Variants in ZSWIM5 observed in about 807,000 individuals in gnomAD.
ZSWIM5 encodes the protein zinc finger SWIM-type containing 5.
ZSWIM5 carries 55 observed loss-of-function variants against 119.6 expected under a neutral mutation model. That is an observed-to-expected ratio of 0.46 (90% CI 0.37 to 0.58). The LOEUF is 0.58. ZSWIM5 is among the 20% of genes least tolerant of loss of function. ZSWIM5 has a pLI of 0.00. For missense variants in ZSWIM5, 1,193 were observed against 1,512.8 expected, an observed-to-expected ratio of 0.79 and a Z score of 3.51; for synonymous variants, 537 against 606.9, an observed-to-expected ratio of 0.88 and a Z score of 1.69.
chr1:45,154,819 C>T (rs1328029828), intron 1 of ZSWIM5, among the ~76,000 whole-genome samples: 1 of 152,064 alleles, frequency 6.6e-6, no homozygotes, highest in Admixed American at 6.6e-5. Flanking sequence ...GAAGGGGAGG[C>T]TGCAGTGAAT....
chr1:45,166,348 C>T (rs1402141350), intron 1 of ZSWIM5, among the ~76,000 whole-genome samples: 1 of 151,896 alleles, frequency 6.6e-6, no homozygotes, highest in Non-Finnish European at 1.5e-5. Context: ...ATGACAAAAC[C>T]CACAACCAAT....
intron 5 of ZSWIM5, 123 bp from the exon 6 acceptor site, chr1:45,043,518 G>T: frequency 2.1e-6 from 2 of 951,188 alleles, no homozygotes; most frequent in Non-Finnish European, 3.2e-6. Flanking sequence ...TCTGGCAGCA[G>T]TATTGAGAAC....
chr1:45,070,358 C>G, intron 2 of ZSWIM5: 1 of 1,420,946 alleles, frequency 7.0e-7, no homozygotes, highest in Non-Finnish European at 9.9e-7. Context: ...GCATGGGCAG[C>G]CAGGGTGGCT....
rs1313937216 is a variant in ZSWIM5 at position 45,192,206 on chromosome 1, A to T, written c.595+13550T>A. 2.6e-5 allele frequency among the ~76,000 whole-genome samples: 4 copies of T among 152,328 alleles called. No homozygotes were observed. In the East Asian group the frequency reaches 5.8e-4, roughly 22 times the overall value. On this transcript the variant is annotated intron_variant, in intron 1 of 13. Coordinates refer to ENST00000359600, the MANE Select transcript of ZSWIM5 (RefSeq NM_020883.2). ...TTAAGCACATTCACTTGGTTGTACA[A>T]CCATCACTCCTACCTATCTCCAGAA...
In ZSWIM5 at chr1:45,039,194, A is replaced by G. The variant is rs1286836586; in HGVS notation, c.1757-121T>C. 4 of 1,251,800 alleles carry G rather than the reference A, an allele frequency of 3.2e-6. No individual in the cohort carries two copies. The South Asian group carries it at 4.2e-5, about 13-fold the overall frequency. 77.5% of individuals were successfully genotyped at this position (1,251,800 alleles called of 1,614,324 possible). On this transcript the variant is annotated intron_variant, in intron 7 of 13. Coordinates refer to ENST00000359600, the MANE Select transcript of ZSWIM5 (RefSeq NM_020883.2). ...CTGAGAGTCAAATAAAAGCTTCTCT[A>G]TTGTCTTGCCTTGGGTTGATACGGC...
At chr1:45,186,798 C>T (rs1646061892) in intron 1 of ZSWIM5, among the ~76,000 whole-genome samples, 1 of 152,036 alleles carries the variant, frequency 6.6e-6, no homozygotes, top group African/African-American at 2.4e-5. Context: ...GCCATGTTGG[C>T]CAGGCTGGTC....
intron 1 of ZSWIM5, among the ~76,000 whole-genome samples, chr1:45,162,742 C>T (rs1188102362): frequency 3.3e-5 from 5 of 152,298 alleles, no homozygotes; most frequent in East Asian, 3.9e-4. Context: ...ACTCTGAGAT[C>T]GAACTGCAAG....
chr1:45,125,976 G>A (rs1407871912), intron 1 of ZSWIM5, among the ~76,000 whole-genome samples: 1 of 151,980 alleles, frequency 6.6e-6, no homozygotes, highest in Non-Finnish European at 1.5e-5. Flanking sequence ...ACTGAGGTGG[G>A]AGGATTGCTT....
At chr1:45,167,774 G>GATACC in intron 1 of ZSWIM5, among the ~76,000 whole-genome samples, 1 of 152,224 alleles carries the variant, frequency 6.6e-6, no homozygotes, top group East Asian at 1.9e-4. Context: ...ACCACAATGA[G>GATACC]ATACCATCTC....
intron 1 of ZSWIM5, among the ~76,000 whole-genome samples, chr1:45,180,043 A>G (rs994090593): frequency 1.3e-5 from 2 of 152,140 alleles, no homozygotes; most frequent in African/African-American, 4.8e-5. Context: ...CATCTGAGGT[A>G]CCGGGTTCAT....
intron 1 of ZSWIM5, among the ~76,000 whole-genome samples, chr1:45,142,992 G>A (rs1409263951): frequency 1.4e-4 from 20 of 147,634 alleles, no homozygotes; most frequent in Non-Finnish European, 2.8e-4. Flanking sequence ...GCAACATGGT[G>A]AAACCCTGTC....
At chr1:45,125,630 C>T (rs1363221707) in intron 1 of ZSWIM5, among the ~76,000 whole-genome samples, 3 of 151,652 alleles carry the variant, frequency 2.0e-5, no homozygotes, top group South Asian at 2.1e-4. Flanking sequence ...AAAAATTAGC[C>T]GGGCATGGTG....
chr1:45,137,155 T>C (rs1645694989), intron 1 of ZSWIM5, among the ~76,000 whole-genome samples: 1 of 152,066 alleles, frequency 6.6e-6, no homozygotes, highest in African/African-American at 2.4e-5. Context: ...TCATAGCTCA[T>C]TGAGGCCAAG....
chr1:45,127,820 T>C (rs979827328), intron 1 of ZSWIM5, among the ~76,000 whole-genome samples: 1 of 152,174 alleles, frequency 6.6e-6, no homozygotes, highest in Non-Finnish European at 1.5e-5. Flanking sequence ...ACTGTATTTC[T>C]ATATACTAGT....
intron 8 of ZSWIM5, 35 bp downstream of exon 8, chr1:45,038,901 G>A: frequency 6.2e-7 from 1 of 1,610,722 alleles, no homozygotes; most frequent in Non-Finnish European, 8.5e-7. Flanking sequence ...AACCAACAAG[G>A]GCAGTCTTGG....
At chr1:45,134,177 A>T (rs1373418674) in intron 1 of ZSWIM5, among the ~76,000 whole-genome samples, 1 of 152,172 alleles carries the variant, frequency 6.6e-6, no homozygotes, top group African/African-American at 2.4e-5. Flanking sequence ...TGGTGATGGC[A>T]TTGAATCTAT....
intron 2 of ZSWIM5, among the ~76,000 whole-genome samples, chr1:45,067,752 T>C (rs145568547): frequency 1.3e-5 from 2 of 152,220 alleles, no homozygotes; most frequent in Non-Finnish European, 2.9e-5. Flanking sequence ...CTTTCTTTAG[T>C]TTAAAAATCA....
chr1:45,039,220 T>G (rs1380648195), intron 7 of ZSWIM5, 147 bp from the exon 8 acceptor site: 1 of 1,031,958 alleles, frequency 9.7e-7, no homozygotes, highest in Non-Finnish European at 1.4e-6. Context: ...TTGATACGGC[T>G]GGCCACAAAC....
chr1:45,091,694 C>A (rs1488082352), intron 1 of ZSWIM5, among the ~76,000 whole-genome samples: 1 of 151,846 alleles, frequency 6.6e-6, no homozygotes. Flanking sequence ...AAACAACCAA[C>A]CAACCAAACA....
Sources: allele counts gnomAD v4.1 joint callset (sites outside exome capture counted in the v4.1 genomes callset), GRCh38; gene constraint gnomAD v4.1.1; transcripts MANE v1.5; gene names NCBI Gene and HGNC (gene_info 2026-07-23, HGNC 2026-07-21).